Variants in COL4A5 observed in about 807,000 individuals in gnomAD.
The protein encoded by COL4A5 is collagen type IV alpha 5 chain.
Under a neutral mutation model 130.2 loss-of-function variants are expected in COL4A5, and 26 were observed. The observed-to-expected ratio is 0.20, with a 90% CI of 0.15 to 0.28. COL4A5 has a LOEUF of 0.28. Among genes scored for constraint, COL4A5 ranks in the 10% least tolerant of loss-of-function variants. COL4A5 has a pLI of 1.00. For synonymous variants in COL4A5, 496 were observed against 439.6 expected (o/e 1.13, Z -1.60); for missense variants, 1,131 against 1,344.3 (o/e 0.84, Z 2.48).
chrX:108,534,619 C>G (rs1015735529), intron 1 of COL4A5, among the ~76,000 whole-genome samples: 2 of 110,920 alleles, frequency 1.8e-5, no homozygotes, highest in Non-Finnish European at 3.8e-5. Context: ...ATGAAGAGAA[C>G]TGGGTTCTTA....
rs1455131526 is a variant in COL4A5, at chrX:108,597,353, T to G, written c.1588-24T>G. The stretch of plus-strand genomic sequence containing the variant: ...TCTTTCTTCTTTTTCCACTCTTTTT[T>G]CTTTTTTTCCTTACTCATTTCAGGG... On this transcript the variant is annotated intron_variant, in intron 23 of 52. Coordinates refer to ENST00000328300, the MANE Select transcript of COL4A5 (RefSeq NM_033380.3). 2.5e-6 allele frequency: 3 copies of G among 1,190,631 alleles called. No homozygotes were observed. The East Asian group carries it at 8.9e-5, about 35-fold the overall frequency.
chrX:108,440,530 C>G (rs73253685), intron 1 of COL4A5: 56,412 of 257,090 alleles, frequency 0.22, 5,855 homozygotes, highest in Non-Finnish European at 0.29. Context: ...TTTTCCTCCC[C>G]TCCCTCCACC....
At chrX:108,669,198 C>T (rs765453704) in intron 41 of COL4A5, among the ~76,000 whole-genome samples, 7 of 111,688 alleles carry the variant, frequency 6.3e-5, no homozygotes, top group African/African-American at 1.9e-4. Flanking sequence ...TGGAAATGCT[C>T]GTTTTCATCC....
chrX:108,625,709 C>T lies in COL4A5; in HGVS notation c.3021C>T (p.Pro1007=), dbSNP rs2067140053. Residue 1007 remains proline (P), a synonymous_variant, in exon 35 of 53, where the codon CCC becomes CCT. Transcript: ENST00000328300. ...TTACCAATTTGACCTTTCTAGGTCC[C>T]AAAGGTAACCCTGGTCTCCCTGGAC... ...GQPGLPGPPG[P]KGNPGLPGQP... is the part of the protein sequence containing the mutation. 2 of 1,194,358 alleles carry T rather than the reference C, an allele frequency of 1.7e-6. No individual in the cohort carries two copies. Among genetic ancestry groups the T allele is most frequent in the East Asian group, 5.9e-5 (2 of 33,728 alleles).
rs1026639793 is a variant in COL4A5 at position 108,632,082 on chromosome X, A to G, written c.3246+5733A>G. On this transcript the variant is annotated intron_variant, in intron 36 of 52. Coordinates refer to ENST00000328300, the MANE Select transcript of COL4A5 (RefSeq NM_033380.3). ...TCAACAACATTGATAGACCGCTAGC[A>G]AGACTAGTAAAGAAGAAAAGAGAGA... is the stretch of plus-strand genomic sequence containing the variant. Among the ~76,000 whole-genome samples, 5 of 111,406 alleles carry G rather than the reference A, an allele frequency of 4.5e-5. No homozygotes were observed. The East Asian group carries it at 1.4e-3, about 31-fold the overall frequency.
At chrX:108,451,746 C>T (rs1424475564) in intron 1 of COL4A5, among the ~76,000 whole-genome samples, 2 of 109,262 alleles carry the variant, frequency 1.8e-5, no homozygotes, top group Non-Finnish European at 3.8e-5. Flanking sequence ...TGGATATTAG[C>T]CCTTTGTCAG....
At chrX:108,594,890 G>A (rs1277422857) in intron 21 of COL4A5, among the ~76,000 whole-genome samples, 1 of 110,043 alleles carries the variant, frequency 9.1e-6, no homozygotes, top group African/African-American at 3.3e-5. Flanking sequence ...ACAGGGTCTT[G>A]CTCTGTTGCC....
rs2147998721 is a variant in COL4A5, at chrX:108,692,898, G to A, written c.4679G>A (p.Gly1560Asp). The change falls in exon 50 of 53, where the codon GGC (glycine) becomes GAC (aspartate). Residue 1560 changes from glycine to aspartate, a missense_variant. By Grantham distance (94) the Gly-to-Asp change is moderately conservative (BLOSUM62 -1). Transcript: ENST00000328300. ...PMPMSMQPLK[G>D]QSIQPFISRC... is the part of the protein sequence containing the mutation. ...CCAATGAGCATGCAACCCCTAAAGG[G>A]CCAGAGCATCCAGCCATTCATTAGT... 8.3e-7 allele frequency: 1 copy of A among 1,211,435 alleles called. No individual in the cohort carries two copies. The highest frequency in any genetic ancestry group is 1.7e-5 in the African/African-American group (1 of 57,751).
intron 36 of COL4A5, among the ~76,000 whole-genome samples, chrX:108,633,911 G>A (rs1444935474): frequency 9.0e-6 from 1 of 111,552 alleles, no homozygotes; most frequent in Non-Finnish European, 1.9e-5. Context: ...ACAAATTTCA[G>A]TTATCATTAC....
intron 36 of COL4A5, among the ~76,000 whole-genome samples, chrX:108,648,059 C>G (rs1328431281): frequency 9.0e-6 from 1 of 110,739 alleles, no homozygotes; most frequent in Non-Finnish European, 1.9e-5. Context: ...TGTTGTGTCT[C>G]TACCAGGCTT....
At chrX:108,631,229 T>C (rs1006728960) in intron 36 of COL4A5, among the ~76,000 whole-genome samples, 1 of 111,912 alleles carries the variant, frequency 8.9e-6, no homozygotes, top group Non-Finnish European at 1.9e-5. Context: ...GCATTGAATC[T>C]ATAAATTACC....
At chrX:108,684,906 C>T (rs75382433) in intron 47 of COL4A5, among the ~76,000 whole-genome samples, 1 of 112,248 alleles carries the variant, frequency 8.9e-6, no homozygotes, top group East Asian at 2.8e-4. Context: ...TTATCCACCA[C>T]GATTAAGTCG....
intron 1 of COL4A5, among the ~76,000 whole-genome samples, chrX:108,492,622 T>G (rs2065002268): frequency 8.9e-6 from 1 of 111,798 alleles, no homozygotes; most frequent in African/African-American, 3.2e-5. Context: ...ATTGAACAAG[T>G]AAAATGGACA....
intron 1 of COL4A5, among the ~76,000 whole-genome samples, chrX:108,465,225 A>G (rs2064694194): frequency 8.9e-6 from 1 of 112,289 alleles, no homozygotes; most frequent in Non-Finnish European, 1.9e-5. Context: ...AGAAACAAAT[A>G]TGTTTGCAAA....
At chrX:108,583,575 A>G (rs1476643878) in intron 17 of COL4A5, among the ~76,000 whole-genome samples, 1 of 111,557 alleles carries the variant, frequency 9.0e-6, no homozygotes. Context: ...TTTTTCAGGC[A>G]AGGAAGGAAA....
intron 13 of COL4A5, 73 bp from the exon 14 acceptor site, chrX:108,580,460 T>C (rs1348055858): frequency 1.1e-6 from 1 of 879,200 alleles, no homozygotes; most frequent in East Asian, 3.1e-5. Context: ...TGCTCCTAGC[T>C]AGCTCTAGTG....
intron 29 of COL4A5, among the ~76,000 whole-genome samples, chrX:108,611,023 A>T (rs1226049151): frequency 1.8e-5 from 2 of 110,887 alleles, no homozygotes; most frequent in East Asian, 5.7e-4. Flanking sequence ...AATATTTTGG[A>T]TCAGTAGACT....
intron 1 of COL4A5, among the ~76,000 whole-genome samples, chrX:108,488,080 T>C (rs959017471): frequency 5.3e-5 from 6 of 112,509 alleles, no homozygotes; most frequent in African/African-American, 1.9e-4. Flanking sequence ...CAATAGAGTG[T>C]ACAATTAAAG....
intron 49 of COL4A5, among the ~76,000 whole-genome samples, chrX:108,691,154 C>A (rs1349729683): frequency 9.0e-6 from 1 of 110,632 alleles, no homozygotes; most frequent in African/African-American, 3.3e-5. Flanking sequence ...GTAGCAGAGA[C>A]TTGGAAGGGT....
Sources: allele counts gnomAD v4.1 joint callset (sites outside exome capture counted in the v4.1 genomes callset), GRCh38; gene constraint gnomAD v4.1.1; transcripts MANE v1.5; gene names NCBI Gene and HGNC (gene_info 2026-07-23, HGNC 2026-07-21).